The following CDH18 variants were observed in gnomAD, a reference collection of about 807,000 sequenced individuals.
The protein encoded by CDH18 is cadherin-18.
A neutral mutation model predicts 67.9 loss-of-function variants in CDH18; 31 were observed. The observed-to-expected ratio is 0.46, with a 90% CI of 0.34 to 0.62. The LOEUF (loss-of-function observed/expected upper bound fraction) is 0.62. Among genes scored for constraint, CDH18 ranks in the 20% least tolerant of loss-of-function variants. CDH18 has a pLI of 0.01. For synonymous variants in CDH18, 362 were observed against 347.2 expected, an observed-to-expected ratio of 1.04 and a Z score of -0.48; for missense variants, 890 against 975.5, an observed-to-expected ratio of 0.91 and a Z score of 1.17.
chr5:19,870,820 A>G (rs1247965743), intron 2 of CDH18, among the ~76,000 whole-genome samples: 1 of 152,200 alleles, frequency 6.6e-6, no homozygotes, highest in Non-Finnish European at 1.5e-5. Flanking sequence ...TTAGCTCAAT[A>G]ATACACACCT....
intron 1 of CDH18, among the ~76,000 whole-genome samples, chr5:20,436,402 CA>C (rs1749167290): frequency 1.3e-5 from 2 of 151,820 alleles, no homozygotes; most frequent in Non-Finnish European, 2.9e-5. Flanking sequence ...TGTGTATACT[CA>C]ATAGCTTAGC....
At position 19,758,253 on chromosome 5, in the gene CDH18, C is replaced by T. The variant is rs144118529; in HGVS notation, c.229-11017G>A. Among the ~76,000 whole-genome samples, 833 of 152,276 alleles carry T rather than the reference C, an allele frequency of 5.5e-3. 2 individuals are homozygous for T. Among genetic ancestry groups the T allele is most frequent in the South Asian group, 0.012 (57 of 4,826 alleles). ...CCAGTTAATGATAGGCAGTACAGGT[C>T]GCATGGTGACTTGGTGACATGTAGT... On this transcript the variant is annotated intron_variant, in intron 3 of 12. Transcript: ENST00000382275.
At chr5:19,571,928 A>G in intron 7 of CDH18, 96 bp from the exon 8 acceptor site, 5 of 941,014 alleles carry the variant, frequency 5.3e-6, no homozygotes, top group Non-Finnish European at 6.4e-6. Context: ...TCCTTTTTAG[A>G]ATAAAATAAT....
intron 2 of CDH18, among the ~76,000 whole-genome samples, chr5:19,971,854 A>G (rs1798052963): frequency 1.8e-5 from 2 of 110,094 alleles, no homozygotes; most frequent in African/African-American, 3.5e-5. Context: ...ACGTTAAAAA[A>G]AAAAAGAGAG....
rs146953386 is a variant in CDH18, at chr5:20,043,621, G to A, written c.-517-51607C>T. ...GAATGTGGAAGTTAATGTCTCCATA[G>A]TGGCACTGTGATAATAGGTAGTCAT... On this transcript the variant is annotated intron_variant, in intron 2 of 14. Transcript: ENST00000507958. Among the ~76,000 whole-genome samples the A allele has an allele frequency of 9.2e-5, 14 of 152,272 alleles. No homozygotes were observed. The East Asian group carries it at 2.7e-3, about 29-fold the overall frequency.
intron 5 of CDH18, among the ~76,000 whole-genome samples, chr5:19,701,114 A>G (rs921715939): frequency 1.3e-5 from 2 of 152,182 alleles, no homozygotes; most frequent in East Asian, 3.9e-4. Context: ...TGGCTAAAAT[A>G]TCAAATTTTA....
intron 2 of CDH18, among the ~76,000 whole-genome samples, chr5:20,048,121 A>T (rs992492430): frequency 7.3e-5 from 11 of 151,584 alleles, no homozygotes; most frequent in Non-Finnish European, 1.5e-4. Context: ...GTAAATTGTA[A>T]TTTTTTTTCT....
intron 2 of CDH18, among the ~76,000 whole-genome samples, chr5:20,093,256 C>T (rs543802004): frequency 4.0e-5 from 6 of 151,896 alleles, no homozygotes; most frequent in East Asian, 1.9e-4. Context: ...CACACTCACA[C>T]GAATATATTA....
intron 5 of CDH18, among the ~76,000 whole-genome samples, chr5:19,717,002 T>A (rs1023173927): frequency 4.6e-5 from 7 of 152,032 alleles, no homozygotes; most frequent in Non-Finnish European, 1.0e-4. Context: ...ACTATGAGAA[T>A]CATTTATACA....
chr5:20,034,139 C>G (rs892419725), intron 2 of CDH18, among the ~76,000 whole-genome samples: 15 of 151,956 alleles, frequency 9.9e-5, no homozygotes, highest in Admixed American at 8.5e-4. Context: ...AGAATTGTGA[C>G]TGTACATGAA....
At chr5:19,639,916 C>A (rs1023515506) in intron 5 of CDH18, among the ~76,000 whole-genome samples, 2 of 152,296 alleles carry the variant, frequency 1.3e-5, no homozygotes, top group East Asian at 3.9e-4. Context: ...ATAAGGCTAT[C>A]AATGTCGTTC....
At chr5:20,066,328 C>A (rs1006548203) in intron 2 of CDH18, among the ~76,000 whole-genome samples, 1 of 152,012 alleles carries the variant, frequency 6.6e-6, no homozygotes, top group East Asian at 1.9e-4. Flanking sequence ...GATCTTGATA[C>A]CAGAAAAACG....
intron 2 of CDH18, among the ~76,000 whole-genome samples, chr5:20,052,598 G>A (rs2150492723): frequency 6.6e-6 from 1 of 152,022 alleles, no homozygotes; most frequent in East Asian, 1.9e-4. Flanking sequence ...GGTAATAGGG[G>A]AAGGTGTTAT....
At chr5:19,899,664 C>T (rs1434717854) in intron 2 of CDH18, among the ~76,000 whole-genome samples, 2 of 152,022 alleles carry the variant, frequency 1.3e-5, no homozygotes, top group South Asian at 4.1e-4. Flanking sequence ...CATTGCAGCA[C>T]TATTTATAAT....
chr5:19,722,310 T>A (rs1188218685), intron 4 of CDH18, among the ~76,000 whole-genome samples: 1 of 151,898 alleles, frequency 6.6e-6, no homozygotes, highest in Non-Finnish European at 1.5e-5. Context: ...CCGCTCAGCC[T>A]CCCAAAGTGC....
chr5:20,168,997 G>C (rs998608084), intron 2 of CDH18, among the ~76,000 whole-genome samples: 2 of 152,116 alleles, frequency 1.3e-5, no homozygotes, highest in African/African-American at 2.4e-5. Flanking sequence ...TAGGAGGCTA[G>C]GGTTGGGAAG....
chr5:19,683,103 C>CTCTATCTATCTA (rs70950083), intron 5 of CDH18, among the ~76,000 whole-genome samples: 42,528 of 149,026 alleles, frequency 0.29, 7,015 homozygotes, highest in Middle Eastern at 0.41. Flanking sequence ...CAACATATAA[C>CTCTATCTATCTA]TCTATCTATC....
At chr5:20,263,554 T>A (rs1219251631) in intron 1 of CDH18, among the ~76,000 whole-genome samples, 4 of 152,322 alleles carry the variant, frequency 2.6e-5, no homozygotes, top group Middle Eastern at 6.8e-3. Flanking sequence ...TGTGTCCATG[T>A]TGAAAGATAC....
At chr5:19,723,235 C>T (rs557776948) in intron 4 of CDH18, among the ~76,000 whole-genome samples, 115 of 151,952 alleles carry the variant, frequency 7.6e-4, no homozygotes, top group Non-Finnish European at 2.5e-4. Flanking sequence ...TGCCATTGCA[C>T]TCCAGCCTGG....
Sources: allele counts gnomAD v4.1 joint callset (sites outside exome capture counted in the v4.1 genomes callset), GRCh38; gene constraint gnomAD v4.1.1; transcripts MANE v1.5; gene names NCBI Gene and HGNC (gene_info 2026-07-23, HGNC 2026-07-21).